Variants in EPHA6 observed in about 807,000 individuals in gnomAD.
EPHA6 encodes ephrin type-A receptor 6.
EPHA6 carries 50 observed loss-of-function variants against 112.0 expected under a neutral mutation model. That is an observed-to-expected ratio of 0.45 (90% CI 0.36 to 0.56). The LOEUF (loss-of-function observed/expected upper bound fraction) is 0.56, where lower values mean the gene tolerates loss of function less well. EPHA6 is among the 20% of genes least tolerant of loss of function. EPHA6 has a pLI of 0.00. For missense variants in EPHA6, 1,280 were observed against 1,417.4 expected (o/e 0.90, Z 1.56); for synonymous variants, 529 against 490.7 (o/e 1.08, Z -1.03).
chr3:96,830,971 A>G (rs1372668195), intron 1 of EPHA6, among the ~76,000 whole-genome samples: 2 of 151,944 alleles, frequency 1.3e-5, no homozygotes, highest in South Asian at 2.1e-4. Context: ...ATTCCATTTT[A>G]TATGTATATA....
chr3:96,963,370 A>G (rs371249794), intron 2 of EPHA6, among the ~76,000 whole-genome samples: 6 of 152,222 alleles, frequency 3.9e-5, no homozygotes, highest in East Asian at 3.9e-4. Flanking sequence ...CTCATGCACA[A>G]ATTTAATCCC....
intron 14 of EPHA6, among the ~76,000 whole-genome samples, chr3:97,713,229 T>G (rs1424930200): frequency 6.6e-6 from 1 of 152,080 alleles, no homozygotes; most frequent in African/African-American, 2.4e-5. Flanking sequence ...AGTTTCAGTT[T>G]AAGGAAACAA....
intron 10 of EPHA6, among the ~76,000 whole-genome samples, chr3:97,499,534 T>A (rs1487319302): frequency 6.6e-6 from 1 of 152,156 alleles, no homozygotes; most frequent in Admixed American, 6.6e-5. Flanking sequence ...GGTACAAACA[T>A]CATAGAGTGC....
intron 3 of EPHA6, among the ~76,000 whole-genome samples, chr3:97,224,048 A>G (rs902209398): frequency 6.6e-6 from 1 of 152,126 alleles, no homozygotes; most frequent in Non-Finnish European, 1.5e-5. Context: ...AAAATTTAAA[A>G]TCCAAGGAAT....
At position 97,694,780 on chromosome 3, in the gene EPHA6, G is replaced by A. The variant is rs778247933; in HGVS notation, c.2785-25481G>A. Among the ~76,000 whole-genome samples the A allele has an allele frequency of 9.2e-5, 14 of 152,266 alleles. No individual in the cohort carries two copies. The South Asian group carries it at 1.7e-3, about 18-fold the overall frequency. On this transcript the variant is annotated intron_variant, in intron 14 of 17. Transcript: ENST00000389672. ...CAAACATTTACTCAGGATTAAAAAC[G>A]TGGCTTAACCTACTTGGAACTAAAA...
At chr3:97,703,956 A>T (rs555684065) in intron 14 of EPHA6, among the ~76,000 whole-genome samples, 1 of 152,340 alleles carries the variant, frequency 6.6e-6, no homozygotes, top group South Asian at 2.1e-4. Context: ...TGAACAAAAC[A>T]AAACAAAAAC....
intron 3 of EPHA6, among the ~76,000 whole-genome samples, chr3:97,190,552 A>G (rs1473019525): frequency 6.6e-6 from 1 of 152,150 alleles, no homozygotes; most frequent in Non-Finnish European, 1.5e-5. Context: ...AGGAACCCAA[A>G]TTAAAATAGC....
intron 2 of EPHA6, among the ~76,000 whole-genome samples, chr3:96,945,125 A>AT (rs2041185405): frequency 1.3e-5 from 2 of 152,160 alleles, no homozygotes; most frequent in African/African-American, 4.8e-5. Flanking sequence ...GATATCTGTG[A>AT]TTTTATCTTA....
rs143836930 is a variant in EPHA6 at position 97,257,083 on chromosome 3, T to C, written c.1606+12796T>C. On this transcript the variant is annotated intron_variant, in intron 5 of 17. Coordinates refer to ENST00000389672, the MANE Select transcript of EPHA6 (RefSeq NM_001080448.3). ...CTCAAACTAATGAGAAAGTTCATCATTGAATAAAATTTATTCAGGGAAAAC... is the reference window on the plus strand; with the variant it reads ...CTCAAACTAATGAGAAAGTTCATCACTGAATAAAATTTATTCAGGGAAAAC... 2.7e-3 allele frequency among the ~76,000 whole-genome samples: 404 copies of C among 152,112 alleles called. 3 individuals are homozygous for C. Among genetic ancestry groups the C allele is most frequent in the African/African-American group, 8.6e-3 (358 of 41,566 alleles).
chr3:97,706,638 G>A (rs1360671368), intron 14 of EPHA6, among the ~76,000 whole-genome samples: 1 of 152,090 alleles, frequency 6.6e-6, no homozygotes, highest in African/African-American at 2.4e-5. Flanking sequence ...TGTGAACTTT[G>A]TTTTCTCTGA....
At chr3:97,390,874 AC>A (rs2086358168) in intron 5 of EPHA6, among the ~76,000 whole-genome samples, 1 of 152,090 alleles carries the variant, frequency 6.6e-6, no homozygotes, top group Non-Finnish European at 1.5e-5. Flanking sequence ...TTTTCAACCA[AC>A]AATCAAATCA....
intron 7 of EPHA6, among the ~76,000 whole-genome samples, chr3:97,462,055 G>C (rs1014445085): frequency 6.6e-6 from 1 of 152,186 alleles, no homozygotes; most frequent in Admixed American, 6.5e-5. Flanking sequence ...ACATAGGACA[G>C]TGGTTAGAAG....
At chr3:97,628,161 C>A (rs1048023967) in intron 13 of EPHA6, among the ~76,000 whole-genome samples, 2 of 151,952 alleles carry the variant, frequency 1.3e-5, no homozygotes, top group Admixed American at 6.6e-5. Context: ...TTGCCATAAT[C>A]CAGGTAAGAG....
intron 2 of EPHA6, among the ~76,000 whole-genome samples, chr3:96,903,775 C>T (rs532855872): frequency 6.6e-5 from 10 of 152,180 alleles, no homozygotes; most frequent in African/African-American, 2.4e-4. Context: ...AAACAAACAA[C>T]CCCATCAAAA....
intron 2 of EPHA6, among the ~76,000 whole-genome samples, chr3:96,972,069 A>G (rs1283606741): frequency 3.3e-5 from 5 of 152,102 alleles, no homozygotes; most frequent in African/African-American, 9.6e-5. Flanking sequence ...AATATGCTGT[A>G]TCATTTGTGT....
intron 2 of EPHA6, among the ~76,000 whole-genome samples, chr3:96,898,932 G>A (rs2038438484): frequency 6.6e-6 from 1 of 151,608 alleles, no homozygotes; most frequent in South Asian, 2.1e-4. Flanking sequence ...GGAGGCTGAG[G>A]CAGGAGAATG....
At chr3:97,521,923 C>CA (rs754123519) in intron 10 of EPHA6, among the ~76,000 whole-genome samples, 882 of 87,708 alleles carry the variant, frequency 0.01, 7 homozygotes, top group South Asian at 0.029. Flanking sequence ...GAGCCTTTTT[C>CA]AAAAAAAAAA....
At chr3:97,150,439 C>A (rs1470563979) in intron 3 of EPHA6, among the ~76,000 whole-genome samples, 1 of 152,154 alleles carries the variant, frequency 6.6e-6, no homozygotes, top group Non-Finnish European at 1.5e-5. Context: ...TCTTACTCTG[C>A]AGCAACGTTT....
chr3:97,383,683 A>C (rs189788342), intron 5 of EPHA6, among the ~76,000 whole-genome samples: 2 of 152,198 alleles, frequency 1.3e-5, no homozygotes, highest in South Asian at 2.1e-4. Flanking sequence ...ATGCTTTTCC[A>C]AAAAGTGATT....
Sources: gnomAD v4.1 joint callset for allele counts (sites outside exome capture counted in the v4.1 genomes callset) on GRCh38, gnomAD v4.1.1 for gene constraint, MANE v1.5 for transcripts, NCBI Gene and HGNC (gene_info 2026-07-23, HGNC 2026-07-21) for gene names.